The following FBXO16 variants were observed in gnomAD, a reference collection of about 807,000 sequenced individuals.
FBXO16 encodes F-box protein 16, also known as F-box only protein 16.
A neutral mutation model predicts 41.0 loss-of-function variants in FBXO16; 31 were observed. The ratio of observed to expected loss-of-function variants is 0.76; its 90% CI spans 0.57 to 1.02. The LOEUF is 1.02. Ranked by LOEUF, FBXO16 falls within the 50% of genes least tolerant of loss-of-function variation. The pLI, the probability that FBXO16 is intolerant of heterozygous loss-of-function variation, is 0.00. For synonymous variants in FBXO16, 133 were observed against 117.8 expected, an observed-to-expected ratio of 1.13 and a Z score of -0.84; for missense variants, 361 against 346.2, an observed-to-expected ratio of 1.04 and a Z score of -0.34.
intron 2 of FBXO16, among the ~76,000 whole-genome samples, chr8:28,478,422 G>A (rs1019687531): frequency 2.0e-5 from 3 of 152,000 alleles, no homozygotes; most frequent in South Asian, 2.1e-4. Context: ...CTGAATGTTC[G>A]GTCAGTGTGG....
chr8:28,430,403 G>A (rs1173129412), intron 7 of FBXO16, among the ~76,000 whole-genome samples: 1 of 152,144 alleles, frequency 6.6e-6, no homozygotes, highest in African/African-American at 2.4e-5. Context: ...TCATTGAATC[G>A]ACAGGTGTCT....
chr8:28,452,317 CAGA>C lies in FBXO16; in HGVS notation c.664_666del (p.Ser222del). On this transcript the variant is annotated inframe_deletion, in exon 6 of 9. Coordinates refer to ENST00000380254, the MANE Select transcript of FBXO16 (RefSeq NM_172366.4). Reference sequence around the variant, plus strand: ...CGAATGATATCTGTTGGGTGCTTATCAGAAGATCGCCAGGGTGGAAGTGCTTTC... The same window carrying C: ...CGAATGATATCTGTTGGGTGCTTATCAGATCGCCAGGGTGGAAGTGCTTTC... 1 of 1,614,164 alleles carries C rather than the reference CAGA, an allele frequency of 6.2e-7. No homozygotes were observed. The highest frequency in any genetic ancestry group is 8.5e-7 in the Non-Finnish European group (1 of 1,180,032).
At chr8:28,469,879 C>T (rs866780582) in intron 3 of FBXO16, among the ~76,000 whole-genome samples, 7 of 150,846 alleles carry the variant, frequency 4.6e-5, no homozygotes, top group Non-Finnish European at 5.9e-5. Context: ...CCAGCCTGGG[C>T]GACAGAGCGA....
chr8:28,461,858 T>C (rs555791559), intron 4 of FBXO16, among the ~76,000 whole-genome samples: 1 of 152,096 alleles, frequency 6.6e-6, no homozygotes, highest in African/African-American at 2.4e-5. Context: ...CTTTAATAGT[T>C]TCCTTTGGTT....
At chr8:28,483,570 G>A in intron 1 of FBXO16, 108 bp from the exon 2 acceptor site, 2 of 746,526 alleles carry the variant, frequency 2.7e-6, no homozygotes, top group South Asian at 1.7e-5. Flanking sequence ...TGTAATTCCA[G>A]CACTTTGGGA....
At chr8:28,469,915 A>G (rs984610043) in intron 3 of FBXO16, among the ~76,000 whole-genome samples, 3 of 146,984 alleles carry the variant, frequency 2.0e-5, no homozygotes, top group South Asian at 4.3e-4. Flanking sequence ...TAATAATAAT[A>G]ATAATAGGCC....
At chr8:28,461,084 T>C (rs375025323) in intron 4 of FBXO16, among the ~76,000 whole-genome samples, 989 of 60,258 alleles carry the variant, frequency 0.016, 15 homozygotes, top group African/African-American at 0.058. Flanking sequence ...ATACCTCTGC[T>C]TTTTTTTTTT....
intron 1 of FBXO16, among the ~76,000 whole-genome samples, chr8:28,484,338 C>A (rs1282212602): frequency 6.6e-6 from 1 of 152,130 alleles, no homozygotes; most frequent in Non-Finnish European, 1.5e-5. Context: ...AGAGACAAAG[C>A]CAAGGCTTTG....
intron 5 of FBXO16, among the ~76,000 whole-genome samples, chr8:28,454,753 G>GAAAAAAAA (rs1563363014): frequency 1.5e-4 from 9 of 58,342 alleles, no homozygotes; most frequent in African/African-American, 8.0e-4. Context: ...AAAAAAAAAG[G>GAAAAAAAA]ATCATTAATT....
intron 4 of FBXO16, among the ~76,000 whole-genome samples, chr8:28,460,143 C>T (rs982503395): frequency 6.7e-6 from 1 of 149,564 alleles, no homozygotes; most frequent in Non-Finnish European, 1.5e-5. Flanking sequence ...CATTCTTCTC[C>T]TTGGATGAGA....
chr8:28,439,964 A>C lies in FBXO16; in HGVS notation c.843+7207T>G, dbSNP rs79813332. ...TGTTGGTTTTAAATTAGGATTCATG[A>C]ATGTAACGGATTTTTTTTTTTTTGT... On this transcript the variant is annotated intron_variant, in intron 7 of 8. Transcript: ENST00000380254. Among the ~76,000 whole-genome samples the C allele has an allele frequency of 7.5e-3, 829 of 110,994 alleles. 7 individuals are homozygous for C. The highest frequency in any genetic ancestry group is 0.031 in the African/African-American group (793 of 25,704). 72.8% of individuals were successfully genotyped at this position (110,994 alleles called of 152,430 possible). A position where few individuals can be genotyped will look rare whatever the true frequency, so the allele number is the denominator to read the frequency against.
chr8:28,463,698 G>T lies in FBXO16; in HGVS notation c.256C>A (p.Leu86Met), dbSNP rs1311157297. Residue 86 changes from leucine to methionine, a missense_variant, in exon 4 of 9, where the codon CTG becomes ATG. Physicochemically the swap from Leu to Met is conservative, Grantham distance 15 (BLOSUM62 2). Transcript: ENST00000380254. The part of the protein sequence containing the change: ...KLQEKIPAEA[L>M]DFTTKLPRVL... ...CTTGGAAGCTTGGTTGTAAAGTCCA[G>T]GGCTTCTGCTGGAATTTTCTCTTGA... is the stretch of plus-strand genomic sequence containing the variant. 1 of 1,614,216 alleles carries T rather than the reference G, an allele frequency of 6.2e-7. No individual in the cohort carries two copies. The highest frequency in any genetic ancestry group is 1.3e-5 in the African/African-American group (1 of 75,042).
intron 7 of FBXO16, among the ~76,000 whole-genome samples, chr8:28,441,036 G>C (rs1338389476): frequency 1.3e-5 from 2 of 152,152 alleles, no homozygotes; most frequent in Non-Finnish European, 2.9e-5. Flanking sequence ...TAGCTTTCTA[G>C]ACTTCTAAGA....
intron 4 of FBXO16, among the ~76,000 whole-genome samples, chr8:28,461,286 G>C (rs1251008178): frequency 1.3e-5 from 2 of 152,190 alleles, no homozygotes. Flanking sequence ...CTGGGGCAAA[G>C]GGAATTTTTA....
chr8:28,467,449 G>A (rs1321374269), intron 3 of FBXO16, among the ~76,000 whole-genome samples: 1 of 152,112 alleles, frequency 6.6e-6, no homozygotes, highest in Admixed American at 6.5e-5. Context: ...ACCTTGTAGG[G>A]TGGTTGTGAG....
intron 3 of FBXO16, 116 bp from the exon 4 acceptor site, chr8:28,463,934 G>C (rs975835000): frequency 3.1e-6 from 3 of 979,410 alleles, no homozygotes; most frequent in Non-Finnish European, 1.5e-6. Flanking sequence ...TTTATTTCTA[G>C]TATTTATTTC....
At position 28,463,494 on chromosome 8, in the gene FBXO16, GTATGTGTATA is replaced by G. The variant is rs899774254; in HGVS notation, c.342+108_342+117del. 35 of 946,948 alleles carry G rather than the reference GTATGTGTATA, an allele frequency of 3.7e-5. No individual in the cohort carries two copies. The African/African-American group carries it at 5.0e-4, about 14-fold the overall frequency. 58.7% of individuals were successfully genotyped at this position (946,948 alleles called of 1,614,324 possible). A position where few individuals can be genotyped will look rare whatever the true frequency, so the allele number is the denominator to read the frequency against. ...AGTGTACATTTGTGTGTGTTTGTGT[GTATGTGTATA>G]TATGTGTGTGTGTGTATGCCTGTGT... On this transcript the variant is annotated intron_variant, in intron 4 of 8. Coordinates refer to ENST00000380254, the MANE Select transcript of FBXO16 (RefSeq NM_172366.4).
chr8:28,469,315 G>GA (rs78348990), intron 3 of FBXO16, among the ~76,000 whole-genome samples: 10,547 of 140,198 alleles, frequency 0.075, 823 homozygotes, highest in African/African-American at 0.21. Flanking sequence ...CCCTGCCTCA[G>GA]AAAAAAAAAA....
chr8:28,482,728 G>T (rs368189850), intron 2 of FBXO16, among the ~76,000 whole-genome samples: 1 of 145,976 alleles, frequency 6.9e-6, no homozygotes, highest in South Asian at 2.2e-4. Context: ...ACACCACCAC[G>T]CCCAGCTAAT....
Sources: allele counts gnomAD v4.1 joint callset (sites outside exome capture counted in the v4.1 genomes callset), GRCh38; gene constraint gnomAD v4.1.1; transcripts MANE v1.5; gene names NCBI Gene and HGNC (gene_info 2026-07-23, HGNC 2026-07-21).